CLASP1: variants seen among roughly 807,000 people sequenced by gnomAD.
CLASP1 encodes cytoplasmic linker associated protein 1.
Under a neutral mutation model 192.3 loss-of-function variants are expected in CLASP1, and 38 were observed. The observed-to-expected ratio is 0.20, with a 90% confidence interval of 0.15 to 0.26. The LOEUF (loss-of-function observed/expected upper bound fraction) is 0.26, where lower values mean the gene tolerates loss of function less well. Ranked by LOEUF, CLASP1 falls within the 10% of genes least tolerant of loss-of-function variation. CLASP1 has a pLI of 1.00. For missense variants in CLASP1, 1,433 were observed against 1,932.5 expected, an observed-to-expected ratio of 0.74 and a Z score of 4.85; for synonymous variants, 691 against 712.8, an observed-to-expected ratio of 0.97 and a Z score of 0.49.
At chr2:121,632,031 A>C in intron 1 of CLASP1, among the ~76,000 whole-genome samples, 1 of 152,106 alleles carries the variant, frequency 6.6e-6, no homozygotes, top group East Asian at 1.9e-4. Flanking sequence ...CAGGCAACAG[A>C]GCAAGACCCC....
chr2:121,467,519 G>A (rs1192797240), intron 9 of CLASP1, among the ~76,000 whole-genome samples: 1 of 152,052 alleles, frequency 6.6e-6, no homozygotes, highest in East Asian at 1.9e-4. Flanking sequence ...GGTGTGAGAT[G>A]GTATCTCATT....
chr2:121,357,296 CT>C (rs2065601048), intron 37 of CLASP1, among the ~76,000 whole-genome samples: 1 of 152,190 alleles, frequency 6.6e-6, no homozygotes, highest in African/African-American at 2.4e-5. Context: ...CAAAATCAGT[CT>C]ACTTTCTTCA....
chr2:121,545,570 A>C (rs1440150205), intron 2 of CLASP1, among the ~76,000 whole-genome samples: 1 of 152,046 alleles, frequency 6.6e-6, no homozygotes. Flanking sequence ...TTATGAAGAG[A>C]CACAGTCAGC....
chr2:121,500,374 AAG>A (rs2093701514), intron 8 of CLASP1, among the ~76,000 whole-genome samples: 1 of 135,720 alleles, frequency 7.4e-6, no homozygotes, highest in East Asian at 1.9e-4. Flanking sequence ...GAAAGAAAGA[AAG>A]AAAGAAAGAA....
At chr2:121,362,581 T>C (rs72967307) in intron 37 of CLASP1, among the ~76,000 whole-genome samples, 193 of 152,338 alleles carry the variant, frequency 1.3e-3, no homozygotes, top group African/African-American at 4.3e-3. Flanking sequence ...AGAAGCACAC[T>C]GAACGGCTGG....
rs35181269 is a variant in CLASP1, at chr2:121,642,401, T to TAAA, written c.-286+6968_-286+6970dup. Among the ~76,000 whole-genome samples the TAAA allele has an allele frequency of 3.0e-4, 32 of 107,522 alleles. 1 individual carries two copies. The Admixed American group carries it at 3.0e-3, about 10-fold the overall frequency. 70.5% of individuals were successfully genotyped at this position (107,522 alleles called of 152,430 possible). ...GGTGACAGAGCAGGTATCTTTTTGC[T>TAAA]AAAAAAAAAAAAAAAAAGAAAAAAG... On this transcript the variant is annotated intron_variant, in intron 1 of 39. Transcript: ENST00000263710.
At chr2:121,549,231 T>C (rs1575880928) in intron 2 of CLASP1, among the ~76,000 whole-genome samples, 2 of 152,024 alleles carry the variant, frequency 1.3e-5, no homozygotes, top group Admixed American at 6.6e-5. Flanking sequence ...TCAAACTAAA[T>C]GGATGGAGGA....
intron 26 of CLASP1, chr2:121,403,820 G>A (rs1312593710): frequency 2.2e-6 from 1 of 461,334 alleles, no homozygotes; most frequent in Non-Finnish European, 4.4e-6. Flanking sequence ...TGTTCCCTAT[G>A]GCCCTCAGGA....
chr2:121,490,926 A>T (rs1182047919), intron 8 of CLASP1, among the ~76,000 whole-genome samples: 1 of 152,224 alleles, frequency 6.6e-6, no homozygotes, highest in Non-Finnish European at 1.5e-5. Flanking sequence ...ATTCACAATC[A>T]TTGCTTTTAA....
chr2:121,363,532 C>T (rs545085303), intron 36 of CLASP1, among the ~76,000 whole-genome samples: 3 of 152,302 alleles, frequency 2.0e-5, no homozygotes, highest in East Asian at 3.9e-4. Context: ...TTCCCAGGAC[C>T]CAGCGCCTGA....
chr2:121,462,473 T>C, intron 10 of CLASP1, 59 bp downstream of exon 10: 1 of 966,536 alleles, frequency 1.0e-6, no homozygotes, highest in Non-Finnish European at 1.6e-6. Flanking sequence ...AATTGAAAAA[T>C]AAAACTTGAA....
chr2:121,556,806 A>G (rs576631508), intron 2 of CLASP1, among the ~76,000 whole-genome samples: 1 of 152,182 alleles, frequency 6.6e-6, no homozygotes, highest in East Asian at 1.9e-4. Context: ...AGAATGAACA[A>G]CTTCTGACAT....
intron 7 of CLASP1, among the ~76,000 whole-genome samples, chr2:121,510,580 C>CA (rs1422250089): frequency 2.0e-5 from 3 of 151,624 alleles, no homozygotes; most frequent in Non-Finnish European, 2.9e-5. Context: ...ATTAGTGATT[C>CA]AAAAAAAATC....
chr2:121,629,171 A>G (rs954848232), intron 1 of CLASP1, among the ~76,000 whole-genome samples: 1 of 152,004 alleles, frequency 6.6e-6, no homozygotes, highest in Non-Finnish European at 1.5e-5. Context: ...CGGGCAGATC[A>G]TGAGGTCAGG....
At chr2:121,506,873 A>C (rs556337183) in intron 7 of CLASP1, among the ~76,000 whole-genome samples, 1 of 152,348 alleles carries the variant, frequency 6.6e-6, no homozygotes, top group East Asian at 1.9e-4. Context: ...AACAAAGAAC[A>C]AAGACTTTAA....
At chr2:121,374,001 G>T (rs943301548) in intron 34 of CLASP1, among the ~76,000 whole-genome samples, 1 of 152,234 alleles carries the variant, frequency 6.6e-6, no homozygotes, top group East Asian at 1.9e-4. Context: ...TTAAAAGCCG[G>T]ATGTTAATAG....
intron 2 of CLASP1, among the ~76,000 whole-genome samples, chr2:121,548,493 G>A (rs541205226): frequency 6.6e-6 from 1 of 152,064 alleles, no homozygotes; most frequent in Admixed American, 6.6e-5. Flanking sequence ...ATATTTCAGG[G>A]TATCATCCAT....
At chr2:121,633,028 A>ATATATATATATACATATATATATG (rs71398039) in intron 1 of CLASP1, among the ~76,000 whole-genome samples, 1 of 137,544 alleles carries the variant, frequency 7.3e-6, no homozygotes, top group Non-Finnish European at 1.5e-5. Context: ...ATATATATAT[A>ATATATATATATACATATATATATG]GGCTTTTTTT....
At chr2:121,591,867 C>T (rs140956027) in intron 2 of CLASP1, among the ~76,000 whole-genome samples, 1 of 152,340 alleles carries the variant, frequency 6.6e-6, no homozygotes, top group Non-Finnish European at 1.5e-5. Flanking sequence ...CCATCTCTAA[C>T]AGCTCCTTCT....
Sources: allele counts gnomAD v4.1 joint callset (sites outside exome capture counted in the v4.1 genomes callset), GRCh38; gene constraint gnomAD v4.1.1; transcripts MANE v1.5; gene names NCBI Gene and HGNC (gene_info 2026-07-23, HGNC 2026-07-21).